Variants in SLC7A2 observed in about 807,000 individuals in gnomAD.
SLC7A2 encodes solute carrier family 7 member 2.
In SLC7A2, 48 loss-of-function variants were observed where a neutral mutation model predicts 58.9. The ratio of observed to expected loss-of-function variants is 0.82; its 90% CI spans 0.65 to 1.04. The LOEUF is 1.04. Ranked by LOEUF, SLC7A2 falls within the 50% of genes least tolerant of loss-of-function variation. The pLI, the probability that SLC7A2 is intolerant of heterozygous loss-of-function variation, is 0.00. For synonymous variants in SLC7A2, 363 were observed against 314.5 expected, an observed-to-expected ratio of 1.15 and a Z score of -1.63; for missense variants, 1,029 against 818.8, an observed-to-expected ratio of 1.26 and a Z score of -3.13.
intron 2 of SLC7A2, among the ~76,000 whole-genome samples, chr8:17,540,176 A>G (rs1801849795): frequency 6.6e-6 from 1 of 152,174 alleles, no homozygotes; most frequent in African/African-American, 2.4e-5. Context: ...AAAATGACTC[A>G]TTAAATTGAC....
intron 2 of SLC7A2, among the ~76,000 whole-genome samples, chr8:17,540,261 C>A (rs1274819223): frequency 6.6e-6 from 1 of 152,096 alleles, no homozygotes; most frequent in Non-Finnish European, 1.5e-5. Flanking sequence ...GTGGCTTTTG[C>A]AATCCGTATT....
chr8:17,498,221 T>C (rs1485377150), intron 1 of SLC7A2, among the ~76,000 whole-genome samples: 2 of 152,308 alleles, frequency 1.3e-5, no homozygotes, highest in African/African-American at 2.4e-5. Context: ...CTAATCCTTT[T>C]AATGAGAGGA....
At chr8:17,543,217 A>AACAC in intron 2 of SLC7A2, 101 bp from the exon 3 acceptor site, 2 of 774,852 alleles carry the variant, frequency 2.6e-6, no homozygotes, top group Non-Finnish European at 3.8e-6. Context: ...CACACACACA[A>AACAC]ACACACACAC....
chr8:17,558,770 T>A (rs537857248), intron 9 of SLC7A2, among the ~76,000 whole-genome samples: 5 of 152,258 alleles, frequency 3.3e-5, no homozygotes, highest in African/African-American at 1.2e-4. Context: ...TAATTTACAA[T>A]AGTGAAAAAA....
intron 8 of SLC7A2, chr8:17,555,122 G>A: frequency 6.2e-7 from 1 of 1,601,536 alleles, no homozygotes; most frequent in Non-Finnish European, 8.5e-7. Flanking sequence ...CATTAGACTG[G>A]AACATTTAAT....
chr8:17,539,064 A>G, intron 2 of SLC7A2: 1 of 713,298 alleles, frequency 1.4e-6, no homozygotes, highest in East Asian at 2.7e-5. Flanking sequence ...GTGAAAATCC[A>G]GGATCAACTT....
At position 17,560,403 on chromosome 8, in the gene SLC7A2, A is replaced by T. The variant is rs771700675; in HGVS notation, c.1374A>T (p.Val458=). 3.1e-6 allele frequency: 5 copies of T among 1,614,048 alleles called. No homozygotes were observed. Among genetic ancestry groups the T allele is most frequent in the Non-Finnish European group, 3.4e-6 (4 of 1,179,998 alleles). ...EKDGLGSSPR[V]TSKSESQVTM... ...ATGGTCTGGGATCGTCTCCCAGGGT[A>T]ACCTCGAAGAGTGAGTCCCAGGTCA... Residue 458 remains valine (V), a synonymous_variant, in exon 10 of 13, where the codon GTA becomes GTT. Transcript: ENST00000494857.
In SLC7A2 at chr8:17,567,947, A is replaced by G. The variant is rs1344890317; in HGVS notation, c.*2801A>G. ...TGATCTGTCCTGGTAGGTGTTTATTAGCAAAAGTCAGTATCACCAGCTCTT... is the reference window on the plus strand; with the variant it reads ...TGATCTGTCCTGGTAGGTGTTTATTGGCAAAAGTCAGTATCACCAGCTCTT... On this transcript the variant is annotated 3_prime_UTR_variant, in exon 13 of 13. Transcript: ENST00000494857. 2 of 152,086 alleles carry G rather than the reference A, an allele frequency of 1.3e-5. No individual in the cohort carries two copies. The highest frequency in any genetic ancestry group is 2.9e-5 in the Non-Finnish European group (2 of 68,018). 9.4% of individuals were successfully genotyped at this position (152,086 alleles called of 1,614,324 possible). A position where few individuals can be genotyped will look rare whatever the true frequency, so the allele number is the denominator to read the frequency against.
rs1412491523 is a variant in SLC7A2 at position 17,566,927 on chromosome 8, T to C, written c.*1781T>C. 6.6e-6 allele frequency: 1 copy of C among 152,600 alleles called. No individual in the cohort carries two copies. Among genetic ancestry groups the C allele is most frequent in the Non-Finnish European group, 1.5e-5 (1 of 68,046 alleles). 9.5% of individuals were successfully genotyped at this position (152,600 alleles called of 1,614,324 possible). A position where few individuals can be genotyped will look rare whatever the true frequency, so the allele number is the denominator to read the frequency against. On this transcript the variant is annotated 3_prime_UTR_variant, in exon 13 of 13. Transcript: ENST00000494857. The stretch of plus-strand genomic sequence containing the variant: ...CTCATGGGTCTTCCAAGAAATGAGC[T>C]ATTTTATTGATGCCATTAAAAAGCA...
At chr8:17,509,170 A>C (rs1176469154) in intron 2 of SLC7A2, among the ~76,000 whole-genome samples, 1 of 152,226 alleles carries the variant, frequency 6.6e-6, no homozygotes, top group East Asian at 1.9e-4. Flanking sequence ...AATGCATTGC[A>C]TATTGGACCA....
intron 2 of SLC7A2, among the ~76,000 whole-genome samples, chr8:17,533,044 A>G (rs1166616295): frequency 1.3e-5 from 2 of 152,128 alleles, no homozygotes; most frequent in African/African-American, 4.8e-5. Context: ...AATTTTGTAA[A>G]TGGTTCTTGG....
At chr8:17,529,565 C>A (rs1283902496) in intron 2 of SLC7A2, among the ~76,000 whole-genome samples, 2 of 148,074 alleles carry the variant, frequency 1.4e-5, no homozygotes, top group East Asian at 4.0e-4. Context: ...GAGTCTTGCT[C>A]TGTCACCCAG....
chr8:17,560,584 G>T, intron 10 of SLC7A2, 51 bp downstream of exon 10: 1 of 1,448,880 alleles, frequency 6.9e-7, no homozygotes, highest in Non-Finnish European at 9.7e-7. Flanking sequence ...ATGTGTGTGA[G>T]TAGAGCTGGC....
intron 2 of SLC7A2, chr8:17,538,744 T>C (rs2150729265): frequency 2.5e-6 from 4 of 1,571,942 alleles, no homozygotes; most frequent in Non-Finnish European, 2.6e-6. Context: ...TCCCTACTTA[T>C]CTATACGATT....
chr8:17,558,490 C>G, intron 9 of SLC7A2, 93 bp downstream of exon 9: 1 of 715,734 alleles, frequency 1.4e-6, no homozygotes, highest in Non-Finnish European at 2.4e-6. Flanking sequence ...TCCAGGGAGC[C>G]AGCAGTCTCA....
intron 2 of SLC7A2, among the ~76,000 whole-genome samples, chr8:17,502,620 T>C (rs1408098005): frequency 6.6e-6 from 1 of 152,184 alleles, no homozygotes; most frequent in Admixed American, 6.5e-5. Flanking sequence ...ATGTACCTTT[T>C]AGAAAATTTT....
At chr8:17,510,320 A>T (rs1220812254) in intron 2 of SLC7A2, among the ~76,000 whole-genome samples, 15 of 152,192 alleles carry the variant, frequency 9.9e-5, no homozygotes, top group African/African-American at 3.6e-4. Flanking sequence ...TGCCTAACTG[A>T]TAACATAAAT....
At chr8:17,557,723 C>T (rs1802774798) in intron 8 of SLC7A2, among the ~76,000 whole-genome samples, 1 of 152,014 alleles carries the variant, frequency 6.6e-6, no homozygotes, top group Non-Finnish European at 1.5e-5. Context: ...AGCTACTCGG[C>T]AGGCTGAGAT....
Position 17,560,482 on chromosome 8 carries a change from C to A in SLC7A2, c.1453C>A (p.Leu485Met). 6.2e-7 allele frequency: 1 copy of A among 1,614,004 alleles called. No individual in the cohort carries two copies. The highest frequency in any genetic ancestry group is 8.5e-7 in the Non-Finnish European group (1 of 1,179,906). The change falls in exon 10 of 13, where the codon CTG (leucine) becomes ATG (methionine). Residue 485 changes from leucine to methionine, a missense_variant. Physicochemically the swap from Leu to Met is conservative, Grantham distance 15. Coordinates refer to ENST00000494857, the MANE Select transcript of SLC7A2 (RefSeq NM_001370338.1). ...SMRTLFCPSL[L>M]PTQQSASLVS... is the part of the protein sequence containing the mutation. ...GCGGACCCTCTTCTGCCCCTCCCTT[C>A]TGCCAACACAGCAGTCAGCTTCTCT... is the stretch of plus-strand genomic sequence containing the variant.
Sources: gnomAD v4.1 joint callset for allele counts (sites outside exome capture counted in the v4.1 genomes callset) on GRCh38, gnomAD v4.1.1 for gene constraint, MANE v1.5 for transcripts, NCBI Gene and HGNC (gene_info 2026-07-23, HGNC 2026-07-21) for gene names.